The following PKP4 variants were observed in gnomAD, a reference collection of about 807,000 sequenced individuals.
PKP4 encodes the protein plakophilin 4, also known as plakophilin-4.
In PKP4, 90 loss-of-function variants were observed where a neutral mutation model predicts 145.1. That is an observed-to-expected ratio of 0.62 (90% CI 0.52 to 0.74). The LOEUF is 0.74. PKP4 is among the 30% of genes least tolerant of loss of function. The pLI is 0.00. For missense variants in PKP4, 1,340 were observed against 1,482.7 expected, an observed-to-expected ratio of 0.90 and a Z score of 1.58; for synonymous variants, 563 against 577.2, an observed-to-expected ratio of 0.98 and a Z score of 0.35.
intron 1 of PKP4, among the ~76,000 whole-genome samples, chr2:158,472,314 A>C (rs1043252271): frequency 6.6e-6 from 1 of 152,234 alleles, no homozygotes. Flanking sequence ...AATGAATTTT[A>C]AAAAGTAGAA....
At chr2:158,657,403 A>G (rs1013695619) in intron 11 of PKP4, among the ~76,000 whole-genome samples, 4 of 152,230 alleles carry the variant, frequency 2.6e-5, no homozygotes, top group Non-Finnish European at 4.4e-5. Context: ...TGAAATCTTG[A>G]TATGAATTAC....
intron 16 of PKP4, chr2:158,669,137 G>A (rs1287090987): frequency 2.0e-5 from 3 of 152,102 alleles, no homozygotes; most frequent in African/African-American, 4.8e-5. Context: ...TTTTACTTGT[G>A]TCATCTTTTA....
At position 158,625,174 on chromosome 2, in the gene PKP4, C is replaced by T. The variant is rs760857173; in HGVS notation, c.900C>T (p.Asn300=). The T allele has an allele frequency of 2.4e-5, 38 of 1,614,030 alleles. No individual in the cohort carries two copies. The highest frequency in any genetic ancestry group is 4.4e-5 in the South Asian group (4 of 91,084). The change falls in exon 7 of 22, where the codon AAC becomes AAT. Residue 300 remains asparagine (N), a synonymous_variant. Transcript: ENST00000389759. Reference sequence around the variant, plus strand: ...CCTCCCGGCAGACCTCCAATCCCAACGGACCAACCCCTCAATACCAAACCA... The same window carrying T: ...CCTCCCGGCAGACCTCCAATCCCAATGGACCAACCCCTCAATACCAAACCA... ...SVTSRQTSNP[N]GPTPQYQTTA...
At chr2:158,561,939 C>T (rs1289700084) in intron 2 of PKP4, among the ~76,000 whole-genome samples, 3 of 149,982 alleles carry the variant, frequency 2.0e-5, no homozygotes, top group African/African-American at 7.4e-5. Flanking sequence ...GCCCCCCACC[C>T]CCCGACAGGC....
intron 2 of PKP4, among the ~76,000 whole-genome samples, chr2:158,541,386 A>G (rs1467073902): frequency 6.6e-6 from 1 of 152,142 alleles, no homozygotes; most frequent in East Asian, 1.9e-4. Flanking sequence ...TATTTCAGGC[A>G]TTCCTAAGAA....
rs776032071 is a variant in PKP4 at position 158,663,045 on chromosome 2, GGAA to G, written c.2370_2372del (p.Lys794del). The G allele has an allele frequency of 1.8e-5, 29 of 1,612,314 alleles. No homozygotes were observed. Among genetic ancestry groups the G allele is most frequent in the Non-Finnish European group, 2.3e-5 (27 of 1,179,616 alleles). ...AAAGACTCTGAGCCAAGTTGCTGGG[GGAA>G]GAAGAAGAAAAAGAAAAAGAGGACT... is the stretch of plus-strand genomic sequence containing the variant. On this transcript the variant is annotated inframe_deletion, in exon 14 of 22. Coordinates refer to ENST00000389759, the MANE Select transcript of PKP4 (RefSeq NM_003628.6).
At chr2:158,556,712 G>A (rs768366330) in intron 2 of PKP4, among the ~76,000 whole-genome samples, 4 of 152,120 alleles carry the variant, frequency 2.6e-5, no homozygotes, top group Non-Finnish European at 4.4e-5. Flanking sequence ...TGCACCCACA[G>A]CTGCTTCCCT....
chr2:158,485,901 G>C (rs1694097145), intron 1 of PKP4, among the ~76,000 whole-genome samples: 1 of 152,066 alleles, frequency 6.6e-6, no homozygotes, highest in Admixed American at 6.6e-5. Context: ...ATCTAATTAA[G>C]GTTATGTTTA....
At chr2:158,643,623 G>T (rs530816818) in intron 11 of PKP4, among the ~76,000 whole-genome samples, 5 of 125,252 alleles carry the variant, frequency 4.0e-5, no homozygotes, top group South Asian at 3.2e-4. Context: ...GAAGTAGGGG[G>T]ATCACTTAAG....
intron 11 of PKP4, among the ~76,000 whole-genome samples, chr2:158,646,820 C>G (rs1558946930): frequency 2.0e-5 from 3 of 152,156 alleles, no homozygotes; most frequent in Non-Finnish European, 4.4e-5. Context: ...GCCGCCATCA[C>G]ATGCATGAAC....
At chr2:158,531,865 A>G (rs1050113434) in intron 1 of PKP4, among the ~76,000 whole-genome samples, 1 of 152,194 alleles carries the variant, frequency 6.6e-6, no homozygotes, top group Non-Finnish European at 1.5e-5. Flanking sequence ...CAGGCAAGAG[A>G]ACTCATGAGG....
At chr2:158,529,216 CAG>C (rs2043286386) in intron 1 of PKP4, among the ~76,000 whole-genome samples, 1 of 152,146 alleles carries the variant, frequency 6.6e-6, no homozygotes, top group Non-Finnish European at 1.5e-5. Context: ...AATATAAAGA[CAG>C]TAATAATACA....
intron 1 of PKP4, among the ~76,000 whole-genome samples, chr2:158,477,734 A>G (rs1338923091): frequency 1.3e-5 from 2 of 152,188 alleles, no homozygotes; most frequent in African/African-American, 2.4e-5. Flanking sequence ...AATCAACGCT[A>G]CTTGGGAGGC....
At chr2:158,586,664 G>A (rs1268781885) in intron 3 of PKP4, among the ~76,000 whole-genome samples, 1 of 152,214 alleles carries the variant, frequency 6.6e-6, no homozygotes, top group African/African-American at 2.4e-5. Flanking sequence ...TGTAAACACA[G>A]TAAAGAGTTC....
In PKP4 at chr2:158,611,097, TTAA is replaced by T. The variant is rs376204850; in HGVS notation, c.280+7996_280+7998del. 4.3e-4 allele frequency among the ~76,000 whole-genome samples: 66 copies of T among 152,286 alleles called. 2 individuals carry two copies. In the South Asian group the frequency reaches 0.013, roughly 29 times the overall value. On this transcript the variant is annotated intron_variant, in intron 4 of 21. Transcript: ENST00000389759. ...GGTTGACTCAGAAGGCACTGAGGGG[TTAA>T]TAGATTTGGATGAACAGGAGAGAAA...
At chr2:158,620,250 T>C (rs938677759) in intron 4 of PKP4, among the ~76,000 whole-genome samples, 3 of 130,114 alleles carry the variant, frequency 2.3e-5, no homozygotes, top group African/African-American at 8.7e-5. Context: ...GGGAATCGAA[T>C]TGGGAAAAGG....
chr2:158,593,917 A>G lies in PKP4; in HGVS notation c.246-9153A>G, dbSNP rs534300036. Among the ~76,000 whole-genome samples the G allele has an allele frequency of 3.9e-5, 6 of 152,364 alleles. No homozygotes were observed. In the South Asian group the frequency reaches 1.0e-3, roughly 26 times the overall value. On this transcript the variant is annotated intron_variant, in intron 3 of 21. Transcript: ENST00000389759. ...TTTTACTCAAACTTGCTAGCAGCCAATGTAAACCAAGAGTGGACTTTTTTT... is the reference window on the plus strand; with the variant it reads ...TTTTACTCAAACTTGCTAGCAGCCAGTGTAAACCAAGAGTGGACTTTTTTT...
rs148833140 is a variant in PKP4, at chr2:158,621,020, G to C, written c.311G>C (p.Arg104Thr). 6.2e-6 allele frequency: 10 copies of C among 1,613,878 alleles called. No individual in the cohort carries two copies. The African/African-American group carries it at 1.3e-4, about 22-fold the overall frequency. Reference sequence around the variant, plus strand: ...CCAAATACTGGTGTAAGCAAACCTAGAGTTTCTGACGCTGTCCAGCCCAAC... The same window carrying C: ...CCAAATACTGGTGTAAGCAAACCTACAGTTTCTGACGCTGTCCAGCCCAAC... ...DVPNTGVSKPRVSDAVQPNNY... is the reference protein window; with the variant it reads ...DVPNTGVSKPTVSDAVQPNNY... The change falls in exon 5 of 22, where the codon AGA (arginine) becomes ACA (threonine). Residue 104 changes from arginine to threonine, a missense_variant. Coordinates refer to ENST00000389759, the MANE Select transcript of PKP4 (RefSeq NM_003628.6).
Position 158,660,193 on chromosome 2 carries a change from A to G in PKP4, c.2094-1140A>G, listed in dbSNP as rs1358697138. ...GGGTGAGCAGCTCAGAGTTTTGACA[A>G]TGTCCAGTTTGAGAAGTCTAATTAG... On this transcript the variant is annotated intron_variant, in intron 12 of 21. Coordinates refer to ENST00000389759, the MANE Select transcript of PKP4 (RefSeq NM_003628.6). The G allele has an allele frequency of 3.3e-5, 5 of 152,702 alleles. No individual in the cohort carries two copies. The East Asian group carries it at 9.6e-4, about 29-fold the overall frequency. 9.5% of individuals were successfully genotyped at this position (152,702 alleles called of 1,614,324 possible). A position where few individuals can be genotyped will look rare whatever the true frequency, so the allele number is the denominator to read the frequency against.
Sources: allele counts gnomAD v4.1 joint callset (sites outside exome capture counted in the v4.1 genomes callset), GRCh38; gene constraint gnomAD v4.1.1; transcripts MANE v1.5; gene names NCBI Gene and HGNC (gene_info 2026-07-23, HGNC 2026-07-21).